SPART: variants seen among roughly 807,000 people sequenced by gnomAD.
SPART encodes spastic paraplegia 20 (Troyer syndrome).
SPART carries 35 observed loss-of-function variants against 58.7 expected under a neutral mutation model. The observed-to-expected ratio is 0.60, with a 90% CI of 0.46 to 0.79. The LOEUF (loss-of-function observed/expected upper bound fraction) is 0.79. Ranked by LOEUF, SPART falls within the 30% of genes least tolerant of loss-of-function variation. The pLI, the probability that SPART is intolerant of heterozygous loss-of-function variation, is 0.00. For synonymous variants in SPART, 284 were observed against 280.7 expected (o/e 1.01, Z -0.12); for missense variants, 730 against 786.1 (o/e 0.93, Z 0.85).
intron 8 of SPART, among the ~76,000 whole-genome samples, chr13:36,304,877 T>A (rs1253945464): frequency 2.6e-5 from 4 of 152,320 alleles, no homozygotes; most frequent in Non-Finnish European, 5.9e-5. Flanking sequence ...CTGAGAATGA[T>A]GTAATAAAGA....
chr13:36,365,540 C>A lies in SPART; in HGVS notation c.-3+4549G>T, dbSNP rs887093651. 6.8e-6 allele frequency: 3 copies of A among 439,060 alleles called. No individual in the cohort carries two copies. The Admixed American group carries it at 8.0e-5, about 12-fold the overall frequency. 27.2% of individuals were successfully genotyped at this position (439,060 alleles called of 1,614,324 possible). On this transcript the variant is annotated intron_variant, in intron 1 of 8. Transcript: ENST00000355182. ...AAGTCTCTCTTCCTGGATTTCTTCT[C>A]CTATAAACCGCCTATTGATACCTAC...
At chr13:36,334,950 AAACATT>A in intron 2 of SPART, 65 bp downstream of exon 2, 1 of 1,293,038 alleles carries the variant, frequency 7.7e-7, no homozygotes, top group Non-Finnish European at 1.1e-6. Context: ...CTGGACACAT[AAACATT>A]AACAAATAAA....
intron 1 of SPART, among the ~76,000 whole-genome samples, chr13:36,339,724 A>G (rs1391425741): frequency 2.0e-5 from 3 of 152,064 alleles, no homozygotes; most frequent in Admixed American, 6.6e-5. Flanking sequence ...AATTAAAGAA[A>G]TAATTCATAG....
At chr13:36,350,072 G>A (rs1885353106), upstream of SPART, among the ~76,000 whole-genome samples, 1 of 152,146 alleles carries the variant, frequency 6.6e-6, no homozygotes, top group Non-Finnish European at 1.5e-5. Context: ...CATGTAAAAA[G>A]CCATTTTTAA....
intron 1 of SPART, among the ~76,000 whole-genome samples, chr13:36,360,272 G>A (rs1331870365): frequency 1.8e-4 from 1 of 5,462 alleles, no homozygotes; most frequent in African/African-American, 2.4e-3. Flanking sequence ...TCCAGCCTGG[G>A]TGGAGAAAAT....
In SPART at chr13:36,365,395, T is replaced by C. The variant is rs144909537; in HGVS notation, c.-3+4694A>G. 1.6e-3 allele frequency: 517 copies of C among 327,524 alleles called. 1 individual carries two copies. The highest frequency in any genetic ancestry group is 9.9e-3 in the African/African-American group (458 of 46,118). The allele number at this position is 327,524 out of a possible 1,614,324, so 20.3% of individuals were successfully genotyped here. The stretch of plus-strand genomic sequence containing the variant: ...TGTATGTGTGTTCTAGCCTATAAAA[T>C]TGGGATATGTTACTATGTTATTATT... On this transcript the variant is annotated intron_variant, in intron 1 of 8. Transcript: ENST00000355182.
rs529692230 is a variant in SPART, at chr13:36,302,959, C to G, written c.*1406G>C. ...AGTTTGATTATTGTAATTTTTAGCT[C>G]CCACAAATGAGAATATATGAAGTGC... is the stretch of plus-strand genomic sequence containing the variant. On this transcript the variant is annotated 3_prime_UTR_variant, in exon 9 of 9. Transcript: ENST00000438666. 1 of 152,078 alleles carries G rather than the reference C, an allele frequency of 6.6e-6. No individual in the cohort carries two copies. Among genetic ancestry groups the G allele is most frequent in the Non-Finnish European group, 1.5e-5 (1 of 67,988 alleles). The allele number at this position is 152,078 out of a possible 1,614,324, so 9.4% of individuals were successfully genotyped here. A position where few individuals can be genotyped will look rare whatever the true frequency, so the allele number is the denominator to read the frequency against.
At chr13:36,360,403 G>A (rs1259173077) in intron 1 of SPART, among the ~76,000 whole-genome samples, 2 of 151,904 alleles carry the variant, frequency 1.3e-5, no homozygotes, top group African/African-American at 2.4e-5. Context: ...AGGAAGATGA[G>A]GCAGAGAGGA....
chr13:36,350,957 T>C (rs370857781), upstream of SPART, among the ~76,000 whole-genome samples: 17 of 152,344 alleles, frequency 1.1e-4, no homozygotes, highest in East Asian at 2.3e-3. Flanking sequence ...TCCAGTGGTA[T>C]ACATACCCCG....
At chr13:36,342,776 C>T (rs545565326) in intron 1 of SPART, among the ~76,000 whole-genome samples, 6 of 152,248 alleles carry the variant, frequency 3.9e-5, no homozygotes, top group African/African-American at 9.6e-5. Context: ...CATACACCAA[C>T]GACATGTGTA....
chr13:36,317,946 G>A (rs1266232792), intron 5 of SPART, among the ~76,000 whole-genome samples: 5 of 152,092 alleles, frequency 3.3e-5, no homozygotes, highest in Non-Finnish European at 7.4e-5. Flanking sequence ...GGTGCCTGAC[G>A]TCCAGGCATT....
chr13:36,319,058 G>A (rs1162801028), intron 5 of SPART, among the ~76,000 whole-genome samples: 3 of 151,984 alleles, frequency 2.0e-5, no homozygotes, highest in Non-Finnish European at 4.4e-5. Flanking sequence ...CTTTTCAAGG[G>A]CCTGTTTCCC....
chr13:36,337,786 C>T (rs1001461655), intron 1 of SPART, among the ~76,000 whole-genome samples: 9 of 152,050 alleles, frequency 5.9e-5, no homozygotes, highest in Non-Finnish European at 5.9e-5. Context: ...TTAATAATGG[C>T]CCCAAAGTGC....
chr13:36,332,018 A>T (rs1883509867), intron 2 of SPART, among the ~76,000 whole-genome samples: 1 of 152,306 alleles, frequency 6.6e-6, no homozygotes, highest in East Asian at 1.9e-4. Context: ...GTATTTACTG[A>T]TTTAATCCTC....
intron 5 of SPART, among the ~76,000 whole-genome samples, chr13:36,315,397 G>A (rs964009025): frequency 6.6e-6 from 1 of 152,102 alleles, no homozygotes; most frequent in Non-Finnish European, 1.5e-5. Flanking sequence ...TTTCAAAGCT[G>A]AACATATGAA....
intron 2 of SPART, 128 bp downstream of exon 2, chr13:36,334,893 A>G (rs963418581): frequency 2.0e-5 from 15 of 738,668 alleles, no homozygotes; most frequent in African/African-American, 1.8e-4. Context: ...TTCATGGAAT[A>G]TATTTAAAAA....
chr13:36,353,051 C>T (rs1885481265), intron 1 of SPART, among the ~76,000 whole-genome samples: 1 of 152,158 alleles, frequency 6.6e-6, no homozygotes, highest in Admixed American at 6.5e-5. Context: ...CCAAATTTTG[C>T]ATTTGAGGTT....
chr13:36,366,514 T>C (rs553345897), intron 1 of SPART, among the ~76,000 whole-genome samples: 1 of 152,352 alleles, frequency 6.6e-6, no homozygotes, highest in South Asian at 2.1e-4. Flanking sequence ...ATCAATCAAA[T>C]ATTTGCACAT....
At chr13:36,324,903 G>T (rs1882763538) in intron 5 of SPART, among the ~76,000 whole-genome samples, 3 of 152,108 alleles carry the variant, frequency 2.0e-5, no homozygotes, top group South Asian at 4.1e-4. Context: ...CTCAGTGGGG[G>T]AGCTTTTTGA....
Sources: gnomAD v4.1 joint callset for allele counts (sites outside exome capture counted in the v4.1 genomes callset) on GRCh38, gnomAD v4.1.1 for gene constraint, MANE v1.5 for transcripts, NCBI Gene and HGNC (gene_info 2026-07-23, HGNC 2026-07-21) for gene names.